Variants in POLN observed in about 807,000 individuals in gnomAD.
The protein encoded by POLN is DNA polymerase N.
Under a neutral mutation model 113.5 loss-of-function variants are expected in POLN, and 108 were observed. The observed-to-expected ratio is 0.95, with a 90% CI of 0.81 to 1.12. POLN has a LOEUF of 1.12. Among genes scored for constraint, POLN ranks in the 50% most tolerant of loss-of-function variants. The pLI is 0.00. For synonymous variants in POLN, 386 were observed against 391.5 expected (o/e 0.99, Z 0.17); for missense variants, 1,097 against 1,077.1 (o/e 1.02, Z -0.26).
chr4:2,085,806 G>T, intron 20 of POLN, 62 bp from the exon 21 acceptor site: 1 of 1,598,448 alleles, frequency 6.3e-7, no homozygotes, highest in East Asian at 2.2e-5. Context: ...GTGTGCATGG[G>T]CTCAGTGAGT....
intron 23 of POLN, chr4:2,080,375 C>T: frequency 9.8e-7 from 1 of 1,020,432 alleles, no homozygotes; most frequent in Non-Finnish European, 1.2e-6. Flanking sequence ...GAGCCCCCCC[C>T]CACCAAGGCA....
At chr4:2,135,850 A>AGGGGAACCG (rs1239855464) in intron 16 of POLN, among the ~76,000 whole-genome samples, 1 of 152,224 alleles carries the variant, frequency 6.6e-6, no homozygotes, top group Non-Finnish European at 1.5e-5. Context: ...GCTAGCACGC[A>AGGGGAACCG]GGGGAACCGT....
At chr4:2,170,203 C>G (rs1732824353) in intron 13 of POLN, among the ~76,000 whole-genome samples, 1 of 152,204 alleles carries the variant, frequency 6.6e-6, no homozygotes, top group South Asian at 2.1e-4. Context: ...AGTAAAAGCA[C>G]TCACTGTCTT....
chr4:2,196,524 A>G (rs1405277755), intron 6 of POLN, among the ~76,000 whole-genome samples: 2 of 152,080 alleles, frequency 1.3e-5, no homozygotes, highest in African/African-American at 2.4e-5. Flanking sequence ...ACCCAATGCT[A>G]TGTCCTGATC....
At chr4:2,166,871 G>A (rs540002444) in intron 13 of POLN, among the ~76,000 whole-genome samples, 26 of 152,188 alleles carry the variant, frequency 1.7e-4, no homozygotes, top group South Asian at 1.0e-3. Context: ...AAGGCCTATC[G>A]TGGGACTTCA....
chr4:2,072,531 G>C (rs1730174195), intron 25 of POLN, among the ~76,000 whole-genome samples: 1 of 152,246 alleles, frequency 6.6e-6, no homozygotes, highest in Non-Finnish European at 1.5e-5. Context: ...CTTGGCGGAG[G>C]TTCCCCCACC....
At chr4:2,237,613 A>C (rs1734812665) in intron 2 of POLN, among the ~76,000 whole-genome samples, 1 of 152,168 alleles carries the variant, frequency 6.6e-6, no homozygotes, top group Non-Finnish European at 1.5e-5. Context: ...TGTTATGTGA[A>C]AGCTAGGGCA....
intron 2 of POLN, chr4:2,240,357 T>C (rs769192264): frequency 5.6e-6 from 9 of 1,602,292 alleles, no homozygotes; most frequent in Non-Finnish European, 7.7e-6. Context: ...CAAGGAAAAT[T>C]GCGATAAAAA....
At chr4:2,228,080 A>G (rs1734444288) in intron 3 of POLN, 1 of 153,076 alleles carries the variant, frequency 6.5e-6, no homozygotes, top group East Asian at 1.9e-4. Flanking sequence ...TGTGTTTATA[A>G]GAGCTTTTGT....
intron 24 of POLN, among the ~76,000 whole-genome samples, chr4:2,073,262 A>T (rs1157388189): frequency 1.3e-5 from 2 of 152,118 alleles, no homozygotes; most frequent in African/African-American, 4.8e-5. Context: ...ACAGTCCAGG[A>T]TGCCTCTCGC....
At chr4:2,079,893 A>G (rs1730363524) in intron 23 of POLN, 11 of 985,572 alleles carry the variant, frequency 1.1e-5, no homozygotes, top group Non-Finnish European at 1.3e-5. Context: ...CCGAGAGTGA[A>G]TCTTCTAATG....
intron 16 of POLN, among the ~76,000 whole-genome samples, chr4:2,151,772 C>T (rs948274278): frequency 6.6e-6 from 1 of 152,098 alleles, no homozygotes; most frequent in African/African-American, 2.4e-5. Flanking sequence ...GCAAACGAAT[C>T]GATAGTGGCA....
Position 2,190,544 on chromosome 4 carries a change from A to G in POLN, c.1021+2660T>C, listed in dbSNP as rs527413829. On this transcript the variant is annotated intron_variant, in intron 7 of 25. Transcript: ENST00000511885. ...AGCAAAAACAGACAAATGAAATTACATCAAGCAAAAGCTGTACAGCAAAGG... is the reference window on the plus strand; with the variant it reads ...AGCAAAAACAGACAAATGAAATTACGTCAAGCAAAAGCTGTACAGCAAAGG... Among the ~76,000 whole-genome samples, 4 of 152,232 alleles carry G rather than the reference A, an allele frequency of 2.6e-5. No individual in the cohort carries two copies. In the South Asian group the frequency reaches 6.2e-4, roughly 24 times the overall value.
chr4:2,184,121 T>A (rs942052632), intron 7 of POLN, among the ~76,000 whole-genome samples: 1 of 151,210 alleles, frequency 6.6e-6, no homozygotes, highest in Non-Finnish European at 1.5e-5. Context: ...CCCAAAGTGC[T>A]GGGATTACAG....
chr4:2,087,361 C>T (rs1730573009), intron 20 of POLN, among the ~76,000 whole-genome samples: 2 of 152,210 alleles, frequency 1.3e-5, no homozygotes, highest in Admixed American at 6.5e-5. Flanking sequence ...AGTGCCTCAG[C>T]TATGGCACTG....
At position 2,126,591 on chromosome 4, in the gene POLN, A is replaced by AAGCGGAGACCAGAGAGG. The variant is rs1577708686; in HGVS notation, c.1982+1505_1982+1521dup. Among the ~76,000 whole-genome samples the AAGCGGAGACCAGAGAGG allele has an allele frequency of 6.6e-6, 1 of 151,710 alleles. No individual in the cohort carries two copies. The highest frequency in any genetic ancestry group is 1.9e-4 in the East Asian group (1 of 5,160). On this transcript the variant is annotated intron_variant, in intron 19 of 25. Transcript: ENST00000511885. This position sits in a 1 kb window ranked among gnomAD's most constrained non-coding sequence, Gnocchi z 4.6. ...CCAGAGAGGAGCGGAGACCAGAGAG[A>AAGCGGAGACCAGAGAGG]AGCGGAGACCAGAGAGGAGTGGAGA...
At chr4:2,078,497 G>T in intron 23 of POLN, 20 of 643,582 alleles carry the variant, frequency 3.1e-5, no homozygotes, top group Non-Finnish European at 3.7e-5. Flanking sequence ...TTGTTAGACA[G>T]ACTCTCGCTC....
chr4:2,131,196 A>G, intron 17 of POLN, 37 bp downstream of exon 17: 1 of 1,434,810 alleles, frequency 7.0e-7, no homozygotes, highest in Non-Finnish European at 9.7e-7. Flanking sequence ...AAAGAGAGTT[A>G]CCAGAGACTT....
At chr4:2,072,387 C>A (rs1730169059) in intron 25 of POLN, 88 bp from the exon 26 acceptor site, 1 of 1,158,960 alleles carries the variant, frequency 8.6e-7, no homozygotes, top group Admixed American at 2.9e-5. Context: ...ACAGGGCCTA[C>A]AGCACACAGG....
Sources: allele counts gnomAD v4.1 joint callset (sites outside exome capture counted in the v4.1 genomes callset), GRCh38; gene constraint gnomAD v4.1.1; non-coding constraint Gnocchi (gnomAD v3.1); transcripts MANE v1.5; gene names NCBI Gene and HGNC (gene_info 2026-07-23, HGNC 2026-07-21).